The following GLIS3 variants were observed in gnomAD, a reference collection of about 807,000 sequenced individuals.
GLIS3 encodes GLIS family zinc finger 3, also known as zinc finger protein GLIS3.
GLIS3 carries 53 observed loss-of-function variants against 78.6 expected under a neutral mutation model. The ratio of observed to expected loss-of-function variants is 0.67; its 90% confidence interval spans 0.54 to 0.85. The LOEUF (loss-of-function observed/expected upper bound fraction) is 0.85, where lower values mean the gene tolerates loss of function less well. Ranked by LOEUF, GLIS3 falls within the 40% of genes least tolerant of loss-of-function variation. GLIS3 has a pLI of 0.00. For synonymous variants in GLIS3, 684 were observed against 509.9 expected (o/e 1.34, Z -4.60); for missense variants, 1,703 against 1,231.1 (o/e 1.38, Z -5.74).
At chr9:4,237,663 A>C (rs1167203069) in intron 2 of GLIS3, among the ~76,000 whole-genome samples, 1 of 152,222 alleles carries the variant, frequency 6.6e-6, no homozygotes, top group Non-Finnish European at 1.5e-5. Flanking sequence ...ACAGTTTGTC[A>C]AACTGTTGAT....
intron 9 of GLIS3, among the ~76,000 whole-genome samples, chr9:3,844,631 T>G (rs1166942650): frequency 1.3e-5 from 2 of 152,210 alleles, no homozygotes; most frequent in Non-Finnish European, 2.9e-5. Context: ...TTCTGGATAT[T>G]TCTTTCTCAT....
At chr9:4,461,819 T>C in the GLIS3 span, among the ~76,000 whole-genome samples, 21 of 152,350 alleles carry the variant, frequency 1.4e-4, no homozygotes, top group African/African-American at 5.0e-4. Context: ...AGCTATATGA[T>C]GGACATACAG....
intron 2 of GLIS3, among the ~76,000 whole-genome samples, chr9:4,152,976 G>T (rs1337810576): frequency 2.6e-5 from 4 of 152,112 alleles, no homozygotes; most frequent in Admixed American, 1.3e-4. Flanking sequence ...CTGCATTACT[G>T]GCATTTTGTG....
chr9:4,463,560 G>C, the GLIS3 span, among the ~76,000 whole-genome samples: 5 of 152,152 alleles, frequency 3.3e-5, no homozygotes. Flanking sequence ...TTTATACTAA[G>C]GTGTGGGTAG....
At chr9:3,905,378 T>C (rs1052480334) in intron 6 of GLIS3, among the ~76,000 whole-genome samples, 5 of 152,034 alleles carry the variant, frequency 3.3e-5, no homozygotes, top group African/African-American at 1.2e-4. Context: ...TCTGGAAAAG[T>C]CTCTAGCATA....
rs1265317427 is a variant in GLIS3, at chr9:3,991,683, A to AATTTTTTTTTTTTTT, written c.1711-54495_1711-54494insAAAAAAAAAAAAAAT. 6.4e-4 allele frequency among the ~76,000 whole-genome samples: 56 copies of AATTTTTTTTTTTTTT among 87,908 alleles called. 7 individuals are homozygous for AATTTTTTTTTTTTTT. The highest frequency in any genetic ancestry group is 2.9e-3 in the African/African-American group (55 of 18,984). The allele number at this position is 87,908 out of a possible 152,430, so 57.7% of individuals were successfully genotyped here. A position where few individuals can be genotyped will look rare whatever the true frequency, so the allele number is the denominator to read the frequency against. On this transcript the variant is annotated intron_variant, in intron 4 of 10. Coordinates refer to ENST00000381971, the MANE Select transcript of GLIS3 (RefSeq NM_001042413.2). The stretch of plus-strand genomic sequence containing the variant: ...GTTCAGAATTTCATTAAGTAGGCTG[A>AATTTTTTTTTTTTTT]TTTTTTTTTTTTTTTTTTTTTTTTT...
At chr9:3,987,094 G>A (rs939490088) in intron 4 of GLIS3, among the ~76,000 whole-genome samples, 1 of 151,964 alleles carries the variant, frequency 6.6e-6, no homozygotes, top group Non-Finnish European at 1.5e-5. Flanking sequence ...GAAACAAATG[G>A]AAAAAATTAG....
At chr9:4,488,307 TTC>T in the GLIS3 span, among the ~76,000 whole-genome samples, 1 of 152,170 alleles carries the variant, frequency 6.6e-6, no homozygotes, top group East Asian at 1.9e-4. Flanking sequence ...ATTTTAGTAT[TTC>T]TTTCTTCCCT....
chr9:4,311,156 C>A (rs915580878), intron 2 of GLIS3, among the ~76,000 whole-genome samples: 6 of 152,218 alleles, frequency 3.9e-5, no homozygotes, highest in South Asian at 2.1e-4. Context: ...TGCCTGTAAT[C>A]CCAACACTTT....
chr9:4,207,968 G>A (rs917513478), intron 2 of GLIS3, among the ~76,000 whole-genome samples: 1 of 152,122 alleles, frequency 6.6e-6, no homozygotes, highest in Non-Finnish European at 1.5e-5. Flanking sequence ...AACCACGTTG[G>A]GGGTAGCGGT....
intron 2 of GLIS3, among the ~76,000 whole-genome samples, chr9:4,228,076 G>A (rs1821928038): frequency 6.6e-6 from 1 of 151,972 alleles, no homozygotes; most frequent in South Asian, 2.1e-4. Context: ...AAAGGGAAGG[G>A]GCCAGGAGAA....
intron 4 of GLIS3, among the ~76,000 whole-genome samples, chr9:4,307,642 T>C (rs987597155): frequency 2.0e-5 from 3 of 152,210 alleles, no homozygotes; most frequent in Non-Finnish European, 4.4e-5. Context: ...TTAAGGTTGC[T>C]AATTAGTTGC....
intron 4 of GLIS3, among the ~76,000 whole-genome samples, chr9:3,985,794 G>A (rs531389154): frequency 2.0e-5 from 3 of 152,300 alleles, no homozygotes; most frequent in African/African-American, 4.8e-5. Flanking sequence ...GGTCATCCAC[G>A]TTAGAAGCAT....
At chr9:4,478,605 TA>T in the GLIS3 span, among the ~76,000 whole-genome samples, 690 of 142,630 alleles carry the variant, frequency 4.8e-3, 1 homozygote, top group African/African-American at 0.014. Flanking sequence ...AGATTCCATC[TA>T]AAAAAAAAAA....
intron 2 of GLIS3, among the ~76,000 whole-genome samples, chr9:4,327,607 C>G (rs1159214752): frequency 6.6e-6 from 1 of 152,174 alleles, no homozygotes; most frequent in Admixed American, 6.5e-5. Context: ...GAGCTCTCTG[C>G]TTTGTGAAGC....
intron 2 of GLIS3, among the ~76,000 whole-genome samples, chr9:4,166,463 C>A (rs187597229): frequency 1.3e-5 from 2 of 152,116 alleles, no homozygotes; most frequent in African/African-American, 2.4e-5. Context: ...TCACTTAAGA[C>A]GTGATGGGAA....
intron 4 of GLIS3, among the ~76,000 whole-genome samples, chr9:4,080,241 A>AT (rs1305988002): frequency 1.3e-5 from 2 of 152,170 alleles, no homozygotes; most frequent in Admixed American, 6.5e-5. Flanking sequence ...ATTCGTAAGC[A>AT]TTTCCTGAGC....
chr9:4,239,786 C>G (rs1444602057), intron 2 of GLIS3, among the ~76,000 whole-genome samples: 1 of 152,192 alleles, frequency 6.6e-6, no homozygotes, highest in Non-Finnish European at 1.5e-5. Context: ...GAAGCTATGT[C>G]TAAATGCAGT....
chr9:4,182,491 G>A (rs1439095821), intron 2 of GLIS3, among the ~76,000 whole-genome samples: 1 of 152,204 alleles, frequency 6.6e-6, no homozygotes, highest in African/African-American at 2.4e-5. Context: ...TATCATCAGT[G>A]ACAGTATAGG....
Sources: gnomAD v4.1 joint callset for allele counts (sites outside exome capture counted in the v4.1 genomes callset) on GRCh38, gnomAD v4.1.1 for gene constraint, MANE v1.5 for transcripts, NCBI Gene and HGNC (gene_info 2026-07-23, HGNC 2026-07-21) for gene names.